TRDN: variants seen among roughly 807,000 people sequenced by gnomAD.
TRDN encodes the protein triadin in skeletal muscle.
TRDN carries 161 observed loss-of-function variants against 149.7 expected under a neutral mutation model. That is an observed-to-expected ratio of 1.08 (90% CI 0.95 to 1.23). The LOEUF (loss-of-function observed/expected upper bound fraction) is 1.23. TRDN is among the 50% of genes most tolerant of loss of function. The pLI, the probability that TRDN is intolerant of heterozygous loss-of-function variation, is 0.00. For missense variants in TRDN, 896 were observed against 823.5 expected (o/e 1.09, Z -1.08); for synonymous variants, 294 against 250.5 (o/e 1.17, Z -1.64).
chr6:123,287,985 T>C (rs1473977224), intron 24 of TRDN, among the ~76,000 whole-genome samples: 1 of 151,834 alleles, frequency 6.6e-6, no homozygotes, highest in Admixed American at 6.6e-5. Flanking sequence ...TTTCTTTAAT[T>C]GCATTAAAAG....
chr6:123,636,087 AC>A (rs2114757322), intron 1 of TRDN, among the ~76,000 whole-genome samples: 1 of 152,100 alleles, frequency 6.6e-6, no homozygotes, highest in African/African-American at 2.4e-5. Context: ...CAGAATTCTA[AC>A]ACTTAATTGC....
chr6:123,612,063 A>G (rs1040649885), intron 1 of TRDN, among the ~76,000 whole-genome samples: 1 of 151,682 alleles, frequency 6.6e-6, no homozygotes, highest in Admixed American at 6.6e-5. Context: ...AGTCTCTATA[A>G]AGACAGTGGT....
chr6:123,335,183 C>A (rs1037534920), intron 22 of TRDN, among the ~76,000 whole-genome samples: 1 of 151,672 alleles, frequency 6.6e-6, no homozygotes, highest in African/African-American at 2.4e-5. Context: ...AAATGAAATT[C>A]TTCTAAAACA....
intron 21 of TRDN, among the ~76,000 whole-genome samples, chr6:123,345,857 C>T (rs1780226408): frequency 6.6e-6 from 1 of 151,938 alleles, no homozygotes; most frequent in Non-Finnish European, 1.5e-5. Context: ...TTTTTCATTA[C>T]TGATATAACA....
At chr6:123,527,539 C>T (rs1000438099) in intron 5 of TRDN, among the ~76,000 whole-genome samples, 5 of 151,864 alleles carry the variant, frequency 3.3e-5, no homozygotes, top group African/African-American at 9.7e-5. Flanking sequence ...GTGGAATCAG[C>T]GTTCTTGGAG....
chr6:123,597,936 C>T (rs777443442), intron 1 of TRDN, among the ~76,000 whole-genome samples: 35 of 151,986 alleles, frequency 2.3e-4, no homozygotes, highest in Non-Finnish European at 3.7e-4. Flanking sequence ...GAAGTATCTT[C>T]AAGGTATTCC....
Position 123,330,989 on chromosome 6 carries a change from T to C in TRDN, c.1471+890A>G, listed in dbSNP as rs140737928. 4.6e-5 allele frequency among the ~76,000 whole-genome samples: 7 copies of C among 152,160 alleles called. No individual in the cohort carries two copies. In the East Asian group the frequency reaches 1.4e-3, roughly 29 times the overall value. ...CCCTCTACTAAGTGTGGTCAATATT[T>C]TACAGGGAAACAGGCTCTTCTTCTA... On this transcript the variant is annotated intron_variant, in intron 23 of 40. Coordinates refer to ENST00000334268, the MANE Select transcript of TRDN (RefSeq NM_006073.4).
intron 10 of TRDN, among the ~76,000 whole-genome samples, chr6:123,459,472 A>G (rs928208340): frequency 6.6e-6 from 1 of 152,148 alleles, no homozygotes; most frequent in African/African-American, 2.4e-5. Context: ...CTGATTGGAC[A>G]TCTCTTCCCT....
intron 13 of TRDN, 142 bp from the exon 14 acceptor site, chr6:123,388,693 G>A: frequency 1.2e-6 from 1 of 845,650 alleles, no homozygotes; most frequent in Non-Finnish European, 1.8e-6. Flanking sequence ...TATGATAGGA[G>A]TGTAAGCAGA....
At chr6:123,588,308 G>T (rs905632529) in intron 1 of TRDN, among the ~76,000 whole-genome samples, 4 of 152,110 alleles carry the variant, frequency 2.6e-5, no homozygotes, top group African/African-American at 9.7e-5. Context: ...TTGGAATCTG[G>T]TATCTTATTG....
chr6:123,373,354 T>C (rs563559818), intron 19 of TRDN, among the ~76,000 whole-genome samples: 1 of 152,182 alleles, frequency 6.6e-6, no homozygotes, highest in Non-Finnish European at 1.5e-5. Context: ...CTCCTTGCCT[T>C]ACACTATTAT....
chr6:123,430,958 C>A (rs1297634016), intron 12 of TRDN, among the ~76,000 whole-genome samples: 1 of 152,150 alleles, frequency 6.6e-6, no homozygotes, highest in Non-Finnish European at 1.5e-5. Flanking sequence ...GAGCTAATAT[C>A]ATAGTAAGTA....
At chr6:123,544,098 T>G (rs2114413927) in intron 4 of TRDN, among the ~76,000 whole-genome samples, 1 of 152,238 alleles carries the variant, frequency 6.6e-6, no homozygotes, top group East Asian at 1.9e-4. Flanking sequence ...TTTTTTAGAA[T>G]GCCATCGAAT....
intron 1 of TRDN, among the ~76,000 whole-genome samples, chr6:123,608,442 A>G (rs750736092): frequency 4.6e-5 from 7 of 152,178 alleles, no homozygotes; most frequent in Non-Finnish European, 1.0e-4. Flanking sequence ...TAAATATCTT[A>G]GTGAAAAAAT....
intron 10 of TRDN, among the ~76,000 whole-genome samples, chr6:123,444,447 A>G (rs1044832275): frequency 6.7e-6 from 1 of 149,576 alleles, no homozygotes; most frequent in African/African-American, 2.5e-5. Context: ...TTCTAGATAT[A>G]CAATCATGTC....
At chr6:123,527,565 G>A (rs1780013818) in intron 5 of TRDN, among the ~76,000 whole-genome samples, 1 of 151,968 alleles carries the variant, frequency 6.6e-6, no homozygotes, top group Middle Eastern at 3.4e-3. Context: ...TTGTACTAGA[G>A]CACTCTGCTT....
intron 2 of TRDN, among the ~76,000 whole-genome samples, chr6:123,551,131 A>C (rs1055942013): frequency 6.7e-6 from 1 of 149,064 alleles, no homozygotes; most frequent in African/African-American, 2.5e-5. Context: ...TGAAGAGCTT[A>C]ACAATAAAAT....
At chr6:123,510,705 G>A (rs1049276078) in intron 7 of TRDN, among the ~76,000 whole-genome samples, 7 of 149,476 alleles carry the variant, frequency 4.7e-5, no homozygotes, top group African/African-American at 7.4e-5. Context: ...GTGCAGTGGC[G>A]CAATCTCAGC....
At chr6:123,264,304 T>G (rs756446696) in intron 33 of TRDN, among the ~76,000 whole-genome samples, 1 of 152,030 alleles carries the variant, frequency 6.6e-6, no homozygotes, top group Non-Finnish European at 1.5e-5. Context: ...TGAAAGAAAT[T>G]GATTTTGACT....
Sources: allele counts gnomAD v4.1 joint callset (sites outside exome capture counted in the v4.1 genomes callset), GRCh38; gene constraint gnomAD v4.1.1; transcripts MANE v1.5; gene names NCBI Gene and HGNC (gene_info 2026-07-23, HGNC 2026-07-21).